FCHSD2: variants seen among roughly 807,000 people sequenced by gnomAD.
The protein encoded by FCHSD2 is FCH and double SH3 domains 2, also known as F-BAR and double SH3 domains protein 2.
Under a neutral mutation model 108.1 loss-of-function variants are expected in FCHSD2, and 38 were observed. The ratio of observed to expected loss-of-function variants is 0.35; its 90% CI spans 0.27 to 0.46. FCHSD2 has a LOEUF of 0.46. Among genes scored for constraint, FCHSD2 ranks in the 20% least tolerant of loss-of-function variants. The pLI is 1.00. For missense variants in FCHSD2, 751 were observed against 897.8 expected (o/e 0.84, Z 2.09); for synonymous variants, 279 against 314.7 (o/e 0.89, Z 1.20).
chr11:72,861,029 A>T (rs1323289378), intron 13 of FCHSD2, among the ~76,000 whole-genome samples: 1 of 152,186 alleles, frequency 6.6e-6, no homozygotes, highest in Non-Finnish European at 1.5e-5. Context: ...CAAATTGAAC[A>T]GAAGAAAAGA....
chr11:72,994,486 C>T (rs1009657116), intron 5 of FCHSD2, among the ~76,000 whole-genome samples: 18 of 152,106 alleles, frequency 1.2e-4, no homozygotes, highest in African/African-American at 3.9e-4. Context: ...CTGAGTCACA[C>T]GGCAAGGATG....
intron 2 of FCHSD2, among the ~76,000 whole-genome samples, chr11:73,123,690 T>TC: frequency 6.6e-6 from 1 of 152,234 alleles, no homozygotes; most frequent in Non-Finnish European, 1.5e-5. Flanking sequence ...TGCATAACCA[T>TC]CCCCCTCCAC....
chr11:72,954,376 T>C (rs1002243124), intron 8 of FCHSD2, among the ~76,000 whole-genome samples: 4 of 151,784 alleles, frequency 2.6e-5, no homozygotes, highest in Non-Finnish European at 4.4e-5. Flanking sequence ...GCCTGGCTAA[T>C]TATTTTATTT....
chr11:72,879,098 G>A (rs1855027837), intron 12 of FCHSD2, among the ~76,000 whole-genome samples: 1 of 151,958 alleles, frequency 6.6e-6, no homozygotes. Context: ...GCGACAGAGT[G>A]AGACTTTGTC....
intron 8 of FCHSD2, among the ~76,000 whole-genome samples, chr11:72,945,849 C>T (rs917010663): frequency 6.6e-6 from 1 of 152,168 alleles, no homozygotes; most frequent in African/African-American, 2.4e-5. Flanking sequence ...CAATGAGATA[C>T]CATCTCACAC....
chr11:72,952,029 A>ATTTTTTATTTTATTTT (rs1856629440), intron 8 of FCHSD2, among the ~76,000 whole-genome samples: 3 of 152,170 alleles, frequency 2.0e-5, no homozygotes, highest in Non-Finnish European at 4.4e-5. Flanking sequence ...ATTTTTGGCA[A>ATTTTTTATTTTATTTT]GAATCAAAAA....
chr11:72,878,008 A>C (rs1298289302), intron 12 of FCHSD2, among the ~76,000 whole-genome samples: 4 of 152,204 alleles, frequency 2.6e-5, no homozygotes, highest in Non-Finnish European at 5.9e-5. Flanking sequence ...AAATTTTTTT[A>C]AATATATAAA....
At chr11:73,005,857 G>A (rs570044903) in intron 4 of FCHSD2, among the ~76,000 whole-genome samples, 5 of 150,792 alleles carry the variant, frequency 3.3e-5, no homozygotes, top group East Asian at 3.9e-4. Flanking sequence ...AAAGCCATCC[G>A]GTCTCATGGC....
chr11:72,896,534 A>G (rs1438601962), intron 10 of FCHSD2, among the ~76,000 whole-genome samples: 3 of 152,150 alleles, frequency 2.0e-5, no homozygotes, highest in Non-Finnish European at 4.4e-5. Flanking sequence ...ACTTAAAATT[A>G]TTCCAAACAG....
chr11:72,913,896 C>T (rs1245666430), intron 9 of FCHSD2, among the ~76,000 whole-genome samples: 7 of 147,886 alleles, frequency 4.7e-5, no homozygotes, highest in African/African-American at 1.7e-4. Flanking sequence ...AAAAGGAGAA[C>T]TACAAATCAC....
chr11:72,913,859 A>G (rs1248092680), intron 9 of FCHSD2, among the ~76,000 whole-genome samples: 8 of 151,534 alleles, frequency 5.3e-5, no homozygotes, highest in Admixed American at 5.3e-4. Flanking sequence ...CTAGAAATAC[A>G]GCTAACAAGG....
intron 2 of FCHSD2, among the ~76,000 whole-genome samples, chr11:73,117,669 C>T (rs1047265210): frequency 2.3e-4 from 35 of 152,132 alleles, no homozygotes; most frequent in African/African-American, 7.7e-4. Flanking sequence ...AAAGCTTCAA[C>T]AGATTATTGC....
Position 72,941,271 on chromosome 11 carries a change from T to G in FCHSD2, c.706-19321A>C, listed in dbSNP as rs146539536. Among the ~76,000 whole-genome samples the G allele has an allele frequency of 2.2e-3, 331 of 152,272 alleles. 2 individuals carry two copies. The highest frequency in any genetic ancestry group is 4.1e-3 in the Non-Finnish European group (281 of 68,010). On this transcript the variant is annotated intron_variant, in intron 8 of 19. Coordinates refer to ENST00000409418, the MANE Select transcript of FCHSD2 (RefSeq NM_014824.3). ...CAGTAAATGACACATAGAATGACAG[T>G]AAATATTTGTTAAATTATGAATTAA...
chr11:72,955,477 C>T (rs181836447), intron 8 of FCHSD2, among the ~76,000 whole-genome samples: 47 of 152,226 alleles, frequency 3.1e-4, no homozygotes, highest in Middle Eastern at 3.4e-3. Context: ...ATTGGTTACA[C>T]CACTGGCTAA....
At chr11:73,109,402 T>C (rs150817025) in intron 2 of FCHSD2, among the ~76,000 whole-genome samples, 4 of 152,308 alleles carry the variant, frequency 2.6e-5, no homozygotes, top group African/African-American at 9.6e-5. Flanking sequence ...ATTTCTTTCA[T>C]CAATGTTTTA....
At chr11:72,849,427 A>G (rs1299990602) in intron 14 of FCHSD2, among the ~76,000 whole-genome samples, 2 of 152,244 alleles carry the variant, frequency 1.3e-5, no homozygotes, top group African/African-American at 4.8e-5. Flanking sequence ...AAAAGAGGCA[A>G]TGGGATAACA....
In FCHSD2 at chr11:73,141,958, C is replaced by G; in HGVS notation, c.-81G>C. On this transcript the variant is annotated 5_prime_UTR_variant, in exon 1 of 20. Transcript: ENST00000409418. ...AGGAGGAGGGCCGGAGAGGAGGGGA[C>G]GGCCCAGCGAGCGCGCGCGTGTGTG... 7.1e-7 allele frequency: 1 copy of G among 1,405,656 alleles called. No individual in the cohort carries two copies. The allele number at this position is 1,405,656 out of a possible 1,614,324, so 87.1% of individuals were successfully genotyped here.
intron 3 of FCHSD2, among the ~76,000 whole-genome samples, chr11:73,065,068 A>G (rs1565393240): frequency 6.6e-6 from 1 of 152,230 alleles, no homozygotes. Context: ...AGAAAATTTA[A>G]GGCCAATATC....
At chr11:72,981,226 G>T (rs11235624) in intron 8 of FCHSD2, among the ~76,000 whole-genome samples, 1 of 152,132 alleles carries the variant, frequency 6.6e-6, no homozygotes, top group Non-Finnish European at 1.5e-5. Flanking sequence ...TTTTTAATCA[G>T]TTTAGTACCC....
Sources: allele counts gnomAD v4.1 joint callset (sites outside exome capture counted in the v4.1 genomes callset), GRCh38; gene constraint gnomAD v4.1.1; transcripts MANE v1.5; gene names NCBI Gene and HGNC (gene_info 2026-07-23, HGNC 2026-07-21).